The following ITGB3 variants were observed in gnomAD, a reference collection of about 807,000 sequenced individuals.
The protein encoded by ITGB3 is integrin subunit beta 3.
A neutral mutation model predicts 85.8 loss-of-function variants in ITGB3; 48 were observed. The observed-to-expected ratio is 0.56, with a 90% confidence interval of 0.44 to 0.71. The LOEUF is 0.71. Among genes scored for constraint, ITGB3 ranks in the 30% least tolerant of loss-of-function variants. ITGB3 has a pLI of 0.00. For missense variants in ITGB3, 861 were observed against 1,019.1 expected, an observed-to-expected ratio of 0.84 and a Z score of 2.11; for synonymous variants, 363 against 395.6, an observed-to-expected ratio of 0.92 and a Z score of 0.98.
In ITGB3 at chr17:47,300,565, A is replaced by G; in HGVS notation, c.2001A>G (p.Ser667=). The G allele has an allele frequency of 6.2e-7, 1 of 1,613,740 alleles. No homozygotes were observed. Among genetic ancestry groups the G allele is most frequent in the Non-Finnish European group, 8.5e-7 (1 of 1,179,676 alleles). ...GTTACTGCCGTGACGAGATTGAGTCAGTGAAAGAGCTTAGTAAGTTCAGCA... is the reference window on the plus strand; with the variant it reads ...GTTACTGCCGTGACGAGATTGAGTCGGTGAAAGAGCTTAGTAAGTTCAGCA... ...CNRYCRDEIE[S]VKELKDTGKD... The change falls in exon 12 of 15, where the codon TCA becomes TCG. Residue 667 remains serine (S), a synonymous_variant. Transcript: ENST00000559488.
chr17:47,285,265 T>A (rs1428414878), intron 4 of ITGB3, among the ~76,000 whole-genome samples: 1 of 152,230 alleles, frequency 6.6e-6, no homozygotes, highest in African/African-American at 2.4e-5. Flanking sequence ...TGTATTAGAA[T>A]AACTTACAAT....
chr17:47,290,314 A>G (rs1301309907), intron 8 of ITGB3, 40 bp downstream of exon 8: 6 of 1,549,242 alleles, frequency 3.9e-6, no homozygotes, highest in Non-Finnish European at 4.5e-6. Flanking sequence ...CGGAGAGTCC[A>G]CCTCATTTGG....
At chr17:47,288,621 A>G (rs2143103232) in intron 6 of ITGB3, among the ~76,000 whole-genome samples, 1 of 152,214 alleles carries the variant, frequency 6.6e-6, no homozygotes. Context: ...GATCCCATGG[A>G]CATGTTCACG....
intron 14 of ITGB3, among the ~76,000 whole-genome samples, chr17:47,308,184 T>TAATAATAA (rs151170176): frequency 1.1e-4 from 16 of 148,660 alleles, no homozygotes; most frequent in Admixed American, 5.4e-4. Context: ...ATAATAATAA[T>TAATAATAA]AATAAAATAA....
chr17:47,304,502 C>G lies in ITGB3; in HGVS notation c.2134+1662C>G, dbSNP rs376515868. ...AGATGGGGTTACCAAATAAAATACACTAGGTCCCATGCAGTATTTGGTACA... is the reference window on the plus strand; with the variant it reads ...AGATGGGGTTACCAAATAAAATACAGTAGGTCCCATGCAGTATTTGGTACA... On this transcript the variant is annotated intron_variant, in intron 13 of 14. Transcript: ENST00000559488. Among the ~76,000 whole-genome samples the G allele has an allele frequency of 4.0e-4, 61 of 152,378 alleles. 1 individual carries two copies. The highest frequency in any genetic ancestry group is 1.3e-3 in the African/African-American group (56 of 41,590).
intron 1 of ITGB3, among the ~76,000 whole-genome samples, chr17:47,257,733 G>A (rs963566106): frequency 5.9e-5 from 9 of 152,208 alleles, no homozygotes; most frequent in African/African-American, 2.2e-4. Flanking sequence ...CCTGTGATCT[G>A]AGAGTGTGAA....
At chr17:47,256,482 C>A (rs1038319242) in intron 1 of ITGB3, among the ~76,000 whole-genome samples, 6 of 151,706 alleles carry the variant, frequency 4.0e-5, no homozygotes, top group South Asian at 2.1e-4. Flanking sequence ...TACCCCCCCC[C>A]CCAACCTCAC....
rs1405065492 is a variant in ITGB3 at position 47,286,402 on chromosome 17, A to C, written c.757A>C (p.Met253Leu). The change falls in exon 5 of 15, where the codon ATG (methionine) becomes CTG (leucine). Residue 253 changes from methionine (M) to leucine (L), a missense_variant. Met to Leu is a conservative substitution (Grantham distance 15, BLOSUM62 2). Transcript: ENST00000559488. Reference protein sequence around the residue: ...DAPEGGFDAIMQATVCDEKIG... With the variant: ...DAPEGGFDAILQATVCDEKIG... ...CCCAGAGGGTGGCTTTGATGCCATC[A>C]TGCAGGCTACAGTCTGTGATGTGAG... The C allele has an allele frequency of 2.5e-6, 4 of 1,614,094 alleles. No homozygotes were observed. In the African/African-American group the frequency reaches 4.0e-5, roughly 16 times the overall value.
Position 47,288,202 on chromosome 17 carries a change from TAGAAAGAG to T in ITGB3, c.939+975_939+982del, listed in dbSNP as rs1362806951. On this transcript the variant is annotated intron_variant, in intron 6 of 14. Transcript: ENST00000559488. ...TGCTCCTAGTGGAGACCCCTTCTCT[TAGAAAGAG>T]AGAGAGAGAGAGAGAGAGAGAGAGA... 5.3e-4 allele frequency among the ~76,000 whole-genome samples: 66 copies of T among 125,180 alleles called. 1 individual carries two copies. Among genetic ancestry groups the T allele is most frequent in the African/African-American group, 1.5e-3 (53 of 34,800 alleles). 82.1% of individuals were successfully genotyped at this position (125,180 alleles called of 152,430 possible).
At chr17:47,256,475 C>CT (rs1054130671) in intron 1 of ITGB3, among the ~76,000 whole-genome samples, 1 of 95,346 alleles carries the variant, frequency 1.0e-5, no homozygotes, top group Non-Finnish European at 2.4e-5. Context: ...AGAGTAATAC[C>CT]CCCCCCCCCA....
intron 12 of ITGB3, among the ~76,000 whole-genome samples, chr17:47,301,010 A>T (rs764430358): frequency 6.6e-6 from 1 of 152,144 alleles, no homozygotes; most frequent in African/African-American, 2.4e-5. Flanking sequence ...AGTGCCCAAG[A>T]TTTTGCTTAA....
Position 47,307,610 on chromosome 17 carries a change from A to G in ITGB3, c.2274A>G (p.Glu758=), listed in dbSNP as rs1266437645. Residue 758 remains glutamate (E), a synonymous_variant, in exon 14 of 15, where the codon GAA becomes GAG. Transcript: ENST00000559488. ...HDRKEFAKFE[E]ERARAKWDTA... ...GAAAAGAATTCGCTAAATTTGAGGA[A>G]GAACGCGCCAGAGCAAAATGGGACA... 1.2e-6 allele frequency: 2 copies of G among 1,614,238 alleles called. No individual in the cohort carries two copies. Among genetic ancestry groups the G allele is most frequent in the East Asian group, 4.5e-5 (2 of 44,888 alleles).
rs2065117950 is a variant in ITGB3, at chr17:47,289,746, A to C, written c.1005A>C (p.Ala335=). ...AGAAAAACATCAATTTGATCTTTGCAGTGACTGAAAATGTAGTCAATCTCT... is the reference window on the plus strand; with the variant it reads ...AGAAAAACATCAATTTGATCTTTGCCGTGACTGAAAATGTAGTCAATCTCT... ...LSQKNINLIF[A]VTENVVNLYQ... The change falls in exon 7 of 15, where the codon GCA becomes GCC. Residue 335 remains alanine, a synonymous_variant. Transcript: ENST00000559488. The C allele has an allele frequency of 1.2e-6, 2 of 1,614,082 alleles. No individual in the cohort carries two copies. Among genetic ancestry groups the C allele is most frequent in the Non-Finnish European group, 1.7e-6 (2 of 1,179,904 alleles).
At chr17:47,275,649 C>T (rs1736760098) in intron 2 of ITGB3, among the ~76,000 whole-genome samples, 2 of 152,220 alleles carry the variant, frequency 1.3e-5, no homozygotes, top group African/African-American at 2.4e-5. Context: ...CCTCCCTGGC[C>T]GCCTGGGGGG....
chr17:47,253,879 GC>G lies in ITGB3; in HGVS notation c.22del (p.Arg8GlyfsTer18). 3.9e-6 allele frequency: 5 copies of G among 1,269,100 alleles called. No homozygotes were observed. Among genetic ancestry groups the G allele is most frequent in the Non-Finnish European group, 3.0e-6 (3 of 1,007,210 alleles). The allele number at this position is 1,269,100 out of a possible 1,614,324, so 78.6% of individuals were successfully genotyped here. A position where few individuals can be genotyped will look rare whatever the true frequency, so the allele number is the denominator to read the frequency against. MRARPR[P>X]RPLWATVLAL... ...CGGACGAGATGCGAGCGCGGCCGCG[GC>G]CCCGGCCGCTCTGGGCGACTGTGCT... On this transcript the variant is annotated frameshift_variant, in exon 1 of 15. Coordinates refer to ENST00000559488, the MANE Select transcript of ITGB3 (RefSeq NM_000212.3). LOFTEE classifies it high-confidence loss of function.
chr17:47,289,713 G>A lies in ITGB3; in HGVS notation c.972G>A (p.Lys324=). Residue 324 remains lysine, a synonymous_variant, in exon 7 of 15, where the codon AAG becomes AAA. Coordinates refer to ENST00000559488, the MANE Select transcript of ITGB3 (RefSeq NM_000212.3). The part of the protein sequence containing the change: ...DYPSLGLMTE[K]LSQKNINLIF... ...CCTCTTTGGGGCTGATGACTGAGAA[G>A]CTATCCCAGAAAAACATCAATTTGA... is the stretch of plus-strand genomic sequence containing the variant. 1.2e-6 allele frequency: 2 copies of A among 1,613,930 alleles called. No individual in the cohort carries two copies. The highest frequency in any genetic ancestry group is 2.7e-5 in the African/African-American group (2 of 75,026).
intron 1 of ITGB3, among the ~76,000 whole-genome samples, chr17:47,273,483 C>G (rs1284509743): frequency 6.6e-6 from 1 of 152,222 alleles, no homozygotes; most frequent in East Asian, 1.9e-4. Flanking sequence ...TAAGCAGATG[C>G]CTGGGTTTGG....
intron 1 of ITGB3, among the ~76,000 whole-genome samples, chr17:47,264,382 G>A (rs1447373997): frequency 6.6e-6 from 1 of 152,214 alleles, no homozygotes; most frequent in Non-Finnish European, 1.5e-5. Context: ...AACGTATCTA[G>A]AGTCTGACCA....
At chr17:47,293,231 T>C (rs1303663355) in intron 10 of ITGB3, among the ~76,000 whole-genome samples, 4 of 152,190 alleles carry the variant, frequency 2.6e-5, no homozygotes, top group Non-Finnish European at 4.4e-5. Context: ...TAAGTCCTTC[T>C]ACTCAGCAGG....
Sources: gnomAD v4.1 joint callset for allele counts (sites outside exome capture counted in the v4.1 genomes callset) on GRCh38, gnomAD v4.1.1 for gene constraint, MANE v1.5 for transcripts, NCBI Gene and HGNC (gene_info 2026-07-23, HGNC 2026-07-21) for gene names.